The following AGPAT2 variants were observed in gnomAD, a reference collection of about 807,000 sequenced individuals.
The protein encoded by AGPAT2 is 1-acyl-sn-glycerol-3-phosphate acyltransferase beta.
A neutral mutation model predicts 26.1 loss-of-function variants in AGPAT2; 18 were observed. The observed-to-expected ratio is 0.69, with a 90% CI of 0.48 to 1.02. The LOEUF is 1.02. Ranked by LOEUF, AGPAT2 falls within the 50% of genes least tolerant of loss-of-function variation. AGPAT2 has a pLI of 0.00. For synonymous variants in AGPAT2, 200 were observed against 174.2 expected, an observed-to-expected ratio of 1.15 and a Z score of -1.16; for missense variants, 415 against 394.9, an observed-to-expected ratio of 1.05 and a Z score of -0.43.
At position 136,674,039 on chromosome 9, in the gene AGPAT2, C is replaced by G. The variant is rs1028407116; in HGVS notation, c.662-112G>C. 9 of 1,084,340 alleles carry G rather than the reference C, an allele frequency of 8.3e-6. No homozygotes were observed. The Admixed American group carries it at 2.1e-4, about 26-fold the overall frequency. 67.2% of individuals were successfully genotyped at this position (1,084,340 alleles called of 1,614,324 possible). On this transcript the variant is annotated intron_variant, in intron 5 of 5. Transcript: ENST00000371696. ...CCCCACAGCCCCTCCCTGGGAAGCC[C>G]GAGGCCGGGCTCTTCCCCTGGACTC... is the stretch of plus-strand genomic sequence containing the variant.
intron 1 of AGPAT2, among the ~76,000 whole-genome samples, chr9:136,685,891 T>C (rs1846215127): frequency 6.6e-6 from 1 of 152,182 alleles, no homozygotes; most frequent in Non-Finnish European, 1.5e-5. Flanking sequence ...GAACTCCCTG[T>C]TTCTGCAAAC....
intron 1 of AGPAT2, among the ~76,000 whole-genome samples, chr9:136,677,789 G>A (rs561455801): frequency 6.6e-6 from 1 of 152,320 alleles, no homozygotes; most frequent in East Asian, 1.9e-4. Flanking sequence ...GGAAAACCCA[G>A]AGCCTCTGGA....
In AGPAT2 at chr9:136,687,065, C is replaced by A. The variant is rs1022425402; in HGVS notation, c.182+111G>T. On this transcript the variant is annotated intron_variant, in intron 1 of 5. Transcript: ENST00000371696. ...CCCAGGCGCGCTCTCCCCGGAGCCC[C>A]GGAGCGGGGCGGGACGGGCGGGGCA... 2.9e-5 allele frequency: 38 copies of A among 1,288,952 alleles called. No individual in the cohort carries two copies. The African/African-American group carries it at 5.0e-4, about 17-fold the overall frequency. 79.8% of individuals were successfully genotyped at this position (1,288,952 alleles called of 1,614,324 possible).
Position 136,673,508 on chromosome 9 carries a change from G to C in AGPAT2, c.*244C>G. ...CATCTTTATCATCCCAGCTCCCAGA[G>C]GTGCCGTGGGCGCGAGTCCCTGCCC... On this transcript the variant is annotated 3_prime_UTR_variant, in exon 6 of 6. Coordinates refer to ENST00000371696, the MANE Select transcript of AGPAT2 (RefSeq NM_006412.4). 1 of 408,604 alleles carries C rather than the reference G, an allele frequency of 2.4e-6. No homozygotes were observed. The highest frequency in any genetic ancestry group is 4.3e-6 in the Non-Finnish European group (1 of 231,044). 25.3% of individuals were successfully genotyped at this position (408,604 alleles called of 1,614,324 possible).
At chr9:136,674,142 T>C (rs2119178420) in intron 5 of AGPAT2, among the ~76,000 whole-genome samples, 1 of 152,346 alleles carries the variant, frequency 6.6e-6, no homozygotes, top group Admixed American at 6.5e-5. Context: ...TCACGCCGCA[T>C]TTTCGACAAG....
intron 1 of AGPAT2, among the ~76,000 whole-genome samples, chr9:136,683,857 T>C (rs2131019731): frequency 6.6e-6 from 1 of 152,300 alleles, no homozygotes; most frequent in South Asian, 2.1e-4. Context: ...GCATCTGTCA[T>C]CACCGGACAT....
At chr9:136,679,273 GC>G (rs1422753383) in intron 1 of AGPAT2, among the ~76,000 whole-genome samples, 1 of 152,038 alleles carries the variant, frequency 6.6e-6, no homozygotes, top group Non-Finnish European at 1.5e-5. Flanking sequence ...CCATGTGTGA[GC>G]CCAGGCCTGC....
chr9:136,676,690 G>A lies in AGPAT2; in HGVS notation c.493-10C>T, dbSNP rs762444181. On this transcript the variant is annotated splice_polypyrimidine_tract_variant and intron_variant, in intron 3 of 5. Transcript: ENST00000371696. ...AGATCCACACTTTGAGCTGCAGGGAGAGGAGAGCCTGGACTGACCTCACGC... is the reference window on the plus strand; with the variant it reads ...AGATCCACACTTTGAGCTGCAGGGAAAGGAGAGCCTGGACTGACCTCACGC... 2.5e-6 allele frequency: 4 copies of A among 1,612,646 alleles called. No homozygotes were observed. The Admixed American group carries it at 5.0e-5, about 20-fold the overall frequency.
intron 4 of AGPAT2, among the ~76,000 whole-genome samples, chr9:136,675,818 C>T (rs1013389148): frequency 6.6e-6 from 1 of 152,126 alleles, no homozygotes. Flanking sequence ...CCAGCGCCTC[C>T]GGGGCTCCCC....
At chr9:136,684,742 A>C (rs1846201808) in intron 1 of AGPAT2, among the ~76,000 whole-genome samples, 1 of 152,184 alleles carries the variant, frequency 6.6e-6, no homozygotes, top group Admixed American at 6.5e-5. Flanking sequence ...GTTCCACCCC[A>C]TCCTGGCTTG....
At chr9:136,674,520 A>T (rs1254858005) in intron 5 of AGPAT2, among the ~76,000 whole-genome samples, 1 of 152,184 alleles carries the variant, frequency 6.6e-6, no homozygotes, top group African/African-American at 2.4e-5. Flanking sequence ...CAGTTTTCTC[A>T]TCTGAAAAAT....
intron 5 of AGPAT2, among the ~76,000 whole-genome samples, chr9:136,674,215 C>G (rs974008198): frequency 2.0e-5 from 3 of 152,250 alleles, no homozygotes; most frequent in African/African-American, 7.2e-5. Flanking sequence ...TACCTCACTG[C>G]CTGGCCTCTG....
intron 1 of AGPAT2, among the ~76,000 whole-genome samples, 158 bp downstream of exon 1, chr9:136,687,018 C>G (rs867954528): frequency 6.6e-6 from 1 of 152,214 alleles, no homozygotes; most frequent in South Asian, 2.1e-4. Context: ...ACTCCGGGAC[C>G]CCCTCCTGTG....
intron 1 of AGPAT2, among the ~76,000 whole-genome samples, chr9:136,681,423 C>T (rs1437591991): frequency 6.6e-6 from 1 of 152,252 alleles, no homozygotes; most frequent in African/African-American, 2.4e-5. Flanking sequence ...GCACCAGCCA[C>T]GTGAGGCCAC....
chr9:136,684,803 T>C (rs1045923184), intron 1 of AGPAT2, among the ~76,000 whole-genome samples: 1 of 152,188 alleles, frequency 6.6e-6, no homozygotes, highest in Non-Finnish European at 1.5e-5. Flanking sequence ...GTGTCCTTAT[T>C]TGTAACACAG....
chr9:136,674,772 G>A lies in AGPAT2; in HGVS notation c.624C>T (p.Ser208=), dbSNP rs1227525381. 2 of 1,536,248 alleles carry A rather than the reference G, an allele frequency of 1.3e-6. No homozygotes were observed. The highest frequency in any genetic ancestry group is 1.8e-6 in the Non-Finnish European group (2 of 1,140,588). Reference sequence around the variant, plus strand: ...ACTTCTTCTTGGTGTTGTAGAAGGAGGAGAAGGAAGAGTACACCACGGGGA... The same window carrying A: ...ACTTCTTCTTGGTGTTGTAGAAGGAAGAGAAGGAAGAGTACACCACGGGGA... ...PIVPVVYSSF[S]SFYNTKKKFF... Residue 208 remains serine, a synonymous_variant, in exon 5 of 6, where the codon TCC becomes TCT. Coordinates refer to ENST00000371696, the MANE Select transcript of AGPAT2 (RefSeq NM_006412.4).
At chr9:136,675,783 C>T (rs1006238270) in intron 4 of AGPAT2, among the ~76,000 whole-genome samples, 2 of 152,214 alleles carry the variant, frequency 1.3e-5, no homozygotes, top group Non-Finnish European at 2.9e-5. Flanking sequence ...GGGCTGGGAT[C>T]AGAGCCCAAG....
chr9:136,677,441 T>C lies in AGPAT2; in HGVS notation c.298A>G (p.Ser100Gly), dbSNP rs1354671151. The change falls in exon 2 of 6, where the codon AGC becomes GGC. Residue 100 changes from serine to glycine, a missense_variant. By Grantham distance (56) the Ser-to-Gly change is moderately conservative. Coordinates refer to ENST00000371696, the MANE Select transcript of AGPAT2 (RefSeq NM_006412.4). ...GGCCTACCCATCATGTCCAGGATGC[T>C]CTGGTGGTTGGAGACGATGACACAG... Reference protein sequence around the residue: ...RPCVIVSNHQSILDMMGLMEV... With the variant: ...RPCVIVSNHQGILDMMGLMEV... 7 of 1,613,054 alleles carry C rather than the reference T, an allele frequency of 4.3e-6. No homozygotes were observed. Among genetic ancestry groups the C allele is most frequent in the East Asian group, 2.2e-5 (1 of 44,888 alleles).
intron 1 of AGPAT2, among the ~76,000 whole-genome samples, chr9:136,680,410 A>G (rs1318818485): frequency 6.6e-6 from 1 of 152,096 alleles, no homozygotes; most frequent in Non-Finnish European, 1.5e-5. Flanking sequence ...TATTTTTAGT[A>G]GAGACGGGGT....
Sources: allele counts gnomAD v4.1 joint callset (sites outside exome capture counted in the v4.1 genomes callset), GRCh38; gene constraint gnomAD v4.1.1; transcripts MANE v1.5; gene names NCBI Gene and HGNC (gene_info 2026-07-23, HGNC 2026-07-21).